Variants in LPP observed in about 807,000 individuals in gnomAD.
LPP encodes lipoma-preferred partner.
A neutral mutation model predicts 60.4 loss-of-function variants in LPP; 38 were observed. That is an observed-to-expected ratio of 0.63 (90% CI 0.49 to 0.83). The LOEUF (loss-of-function observed/expected upper bound fraction) is 0.83. Ranked by LOEUF, LPP falls within the 40% of genes least tolerant of loss-of-function variation. LPP has a pLI of 0.00. For missense variants in LPP, 902 were observed against 783.6 expected (o/e 1.15, Z -1.80); for synonymous variants, 328 against 290.8 (o/e 1.13, Z -1.30).
chr3:188,826,699 A>C (rs1755621499), intron 9 of LPP, among the ~76,000 whole-genome samples: 1 of 151,696 alleles, frequency 6.6e-6, no homozygotes, highest in Non-Finnish European at 1.5e-5. Flanking sequence ...GTTCTTTAAG[A>C]CTCAACTCAA....
At chr3:188,259,173 T>C (rs1732706130) in intron 2 of LPP, among the ~76,000 whole-genome samples, 1 of 152,226 alleles carries the variant, frequency 6.6e-6, no homozygotes, top group Non-Finnish European at 1.5e-5. Flanking sequence ...TCTTTGATTT[T>C]TGTTTGCTAA....
chr3:188,538,801 G>C (rs574756037), intron 6 of LPP, among the ~76,000 whole-genome samples: 82 of 152,114 alleles, frequency 5.4e-4, no homozygotes, highest in Non-Finnish European at 1.0e-3. Flanking sequence ...TTGGTGAATG[G>C]ATAAACAAAA....
chr3:188,764,192 G>A (rs1055376132), intron 9 of LPP, among the ~76,000 whole-genome samples: 3 of 152,168 alleles, frequency 2.0e-5, no homozygotes, highest in Non-Finnish European at 2.9e-5. Context: ...TTGTTAGGAA[G>A]TGATATAAAT....
At chr3:188,786,400 AAAAAAAAAAAAC>A (rs1741922255) in intron 9 of LPP, among the ~76,000 whole-genome samples, 1 of 150,486 alleles carries the variant, frequency 6.6e-6, no homozygotes, top group African/African-American at 2.4e-5. Flanking sequence ...AAAAAAAAAA[AAAAAAAAAAAAC>A]CAACCATCAG....
intron 7 of LPP, among the ~76,000 whole-genome samples, chr3:188,685,384 T>C (rs565824085): frequency 6.6e-6 from 1 of 152,192 alleles, no homozygotes; most frequent in African/African-American, 2.4e-5. Flanking sequence ...GTGTGGAAAA[T>C]GGTCTCTGTG....
intron 9 of LPP, among the ~76,000 whole-genome samples, chr3:188,847,915 A>T (rs1352696611): frequency 6.6e-6 from 1 of 152,170 alleles, no homozygotes; most frequent in Non-Finnish European, 1.5e-5. Context: ...AGTGAATGTA[A>T]CACATGAAGC....
chr3:188,629,305 T>G (rs2138235), intron 7 of LPP, among the ~76,000 whole-genome samples: 119,108 of 151,998 alleles, frequency 0.78, 46,928 homozygotes, highest in East Asian at 1. Flanking sequence ...ATGATGTCAT[T>G]GTATACCTAG....
At chr3:188,284,118 G>T (rs1743102774) in intron 2 of LPP, among the ~76,000 whole-genome samples, 1 of 151,976 alleles carries the variant, frequency 6.6e-6, no homozygotes, top group Non-Finnish European at 1.5e-5. Context: ...TCGGCCGGAC[G>T]CAGTGGCTCA....
chr3:188,363,644 A>C (rs546325496), intron 3 of LPP, among the ~76,000 whole-genome samples: 218 of 152,194 alleles, frequency 1.4e-3, no homozygotes, highest in African/African-American at 5.0e-3. Flanking sequence ...CAGTGGCTCA[A>C]GCCTGTAATC....
At chr3:188,216,933 G>A (rs964838063) in intron 1 of LPP, among the ~76,000 whole-genome samples, 8 of 152,316 alleles carry the variant, frequency 5.3e-5, no homozygotes, top group African/African-American at 1.9e-4. Context: ...TCCATCCGTG[G>A]CATGTATTCA....
chr3:188,344,974 A>G (rs1411784121), intron 3 of LPP, among the ~76,000 whole-genome samples: 1 of 152,160 alleles, frequency 6.6e-6, no homozygotes, highest in Non-Finnish European at 1.5e-5. Flanking sequence ...AAATCACTGG[A>G]TCTGTAAAGG....
chr3:188,169,030 T>C (rs1396529828), intron 1 of LPP, among the ~76,000 whole-genome samples: 1 of 152,274 alleles, frequency 6.6e-6, no homozygotes, highest in Non-Finnish European at 1.5e-5. Context: ...TGATTCATCA[T>C]TTTTATTTTC....
chr3:188,820,634 T>C (rs1352929987), intron 9 of LPP, among the ~76,000 whole-genome samples: 1 of 152,204 alleles, frequency 6.6e-6, no homozygotes, highest in Non-Finnish European at 1.5e-5. Flanking sequence ...ATCTGTCCTA[T>C]CTACATACCA....
intron 7 of LPP, among the ~76,000 whole-genome samples, chr3:188,629,313 T>C (rs1056629265): frequency 1.3e-5 from 2 of 152,114 alleles, no homozygotes; most frequent in African/African-American, 4.8e-5. Flanking sequence ...ATTGTATACC[T>C]AGAAAACCCC....
intron 6 of LPP, among the ~76,000 whole-genome samples, chr3:188,573,590 G>A (rs1037553893): frequency 4.6e-5 from 7 of 152,086 alleles, no homozygotes; most frequent in South Asian, 2.1e-4. Flanking sequence ...GTTTTCTAAC[G>A]TGTAGAAGAA....
chr3:188,435,333 TTCC>T, intron 4 of LPP, among the ~76,000 whole-genome samples: 1 of 152,316 alleles, frequency 6.6e-6, no homozygotes, highest in African/African-American at 2.4e-5. Context: ...CCACTAAATA[TTCC>T]TATTATTTTA....
intron 6 of LPP, among the ~76,000 whole-genome samples, chr3:188,536,002 ATTTT>A (rs11293389): frequency 6.1e-4 from 74 of 121,772 alleles, no homozygotes; most frequent in African/African-American, 2.3e-3. Context: ...TATTACATGA[ATTTT>A]TTTTTTTTTT....
intron 2 of LPP, among the ~76,000 whole-genome samples, chr3:188,266,577 GA>G (rs1735656873): frequency 6.6e-6 from 1 of 150,388 alleles, no homozygotes; most frequent in South Asian, 2.1e-4. Context: ...AGAGAGAAAG[GA>G]AATCAAGTTC....
chr3:188,704,775 G>T (rs1417183139), intron 7 of LPP, among the ~76,000 whole-genome samples: 2 of 151,892 alleles, frequency 1.3e-5, no homozygotes, highest in Non-Finnish European at 2.9e-5. Context: ...TGTTGTTGTT[G>T]TTGTTGTTTT....
Sources: gnomAD v4.1 joint callset for allele counts (sites outside exome capture counted in the v4.1 genomes callset) on GRCh38, gnomAD v4.1.1 for gene constraint, MANE v1.5 for transcripts, NCBI Gene and HGNC (gene_info 2026-07-23, HGNC 2026-07-21) for gene names.